Variants in AKAP6 observed in about 807,000 individuals in gnomAD.
AKAP6 encodes the protein A-kinase anchor protein 6.
Under a neutral mutation model 188.5 loss-of-function variants are expected in AKAP6, and 58 were observed. The observed-to-expected ratio is 0.31, with a 90% CI of 0.25 to 0.38. The LOEUF (loss-of-function observed/expected upper bound fraction) is 0.38, where lower values mean the gene tolerates loss of function less well. AKAP6 is among the 10% of genes least tolerant of loss of function. The pLI is 1.00. For missense variants in AKAP6, 2,710 were observed against 2,740.0 expected (o/e 0.99, Z 0.24); for synonymous variants, 989 against 998.6 (o/e 0.99, Z 0.18).
In AKAP6 at chr14:32,830,058, G is replaced by A. The variant is rs903496794; in HGVS notation, c.*253G>A. 1 of 678,026 alleles carries A rather than the reference G, an allele frequency of 1.5e-6. No individual in the cohort carries two copies. The highest frequency in any genetic ancestry group is 2.8e-5 in the East Asian group (1 of 35,774). The allele number at this position is 678,026 out of a possible 1,614,324, so 42.0% of individuals were successfully genotyped here. Reference sequence around the variant, plus strand: ...TCTTTGAAGTTCAGCAAAGCTGCTTGTTCTCCCATGGATTCCTGTCCCAAG... The same window carrying A: ...TCTTTGAAGTTCAGCAAAGCTGCTTATTCTCCCATGGATTCCTGTCCCAAG... On this transcript the variant is annotated 3_prime_UTR_variant, in exon 14 of 14. Coordinates refer to ENST00000280979, the MANE Select transcript of AKAP6 (RefSeq NM_004274.5).
chr14:32,671,597 A>G (rs1889198651), intron 7 of AKAP6, among the ~76,000 whole-genome samples: 1 of 151,980 alleles, frequency 6.6e-6, no homozygotes, highest in Non-Finnish European at 1.5e-5. Flanking sequence ...AAGAAAGGCA[A>G]TTTTGGGGGG....
chr14:32,335,845 T>G (rs1803684798), intron 1 of AKAP6, among the ~76,000 whole-genome samples: 1 of 63,100 alleles, frequency 1.6e-5, no homozygotes, highest in Non-Finnish European at 3.0e-5. Flanking sequence ...TTTTCTCCTT[T>G]TTTTTTTTTT....
At chr14:32,601,859 C>T (rs916190409) in intron 7 of AKAP6, among the ~76,000 whole-genome samples, 2 of 152,112 alleles carry the variant, frequency 1.3e-5, no homozygotes, top group Non-Finnish European at 2.9e-5. Flanking sequence ...ATGTTGAGAC[C>T]CATGCAGCCA....
chr14:32,556,822 A>C (rs977334876), intron 4 of AKAP6, among the ~76,000 whole-genome samples: 4 of 152,022 alleles, frequency 2.6e-5, no homozygotes, highest in Admixed American at 2.6e-4. Context: ...CCGAGAATTC[A>C]CTGCCAAGCC....
chr14:32,583,829 A>G (rs1341317943), intron 5 of AKAP6, among the ~76,000 whole-genome samples: 1 of 152,182 alleles, frequency 6.6e-6, no homozygotes, highest in East Asian at 1.9e-4. Context: ...CCCGTCAGAA[A>G]AAGCGCATTA....
At chr14:32,735,959 A>G (rs1444405346) in intron 11 of AKAP6, 77 bp downstream of exon 11, 4 of 1,095,466 alleles carry the variant, frequency 3.7e-6, no homozygotes, top group East Asian at 2.4e-5. Flanking sequence ...TACATGAAGT[A>G]TTATACCCAT....
intron 5 of AKAP6, among the ~76,000 whole-genome samples, chr14:32,582,656 A>G (rs1471958499): frequency 4.6e-5 from 7 of 152,046 alleles, no homozygotes; most frequent in Non-Finnish European, 1.0e-4. Flanking sequence ...CTTTTCACAT[A>G]GTCCCATATT....
At position 32,819,091 on chromosome 14, in the gene AKAP6, C is replaced by A. The variant is rs185110860; in HGVS notation, c.3589-2311C>A. Among the ~76,000 whole-genome samples, 223 of 152,204 alleles carry A rather than the reference C, an allele frequency of 1.5e-3. 1 individual carries two copies. The highest frequency in any genetic ancestry group is 2.6e-3 in the Non-Finnish European group (179 of 68,018). ...ATAAACAGAAATTCTAATAAAAATT[C>A]ATCACAGTGAATGTACTCCGTACCT... On this transcript the variant is annotated intron_variant, in intron 12 of 13. Transcript: ENST00000280979.
intron 7 of AKAP6, among the ~76,000 whole-genome samples, chr14:32,619,249 T>C (rs1886714890): frequency 1.3e-5 from 2 of 152,138 alleles, no homozygotes; most frequent in South Asian, 4.1e-4. Flanking sequence ...TCATACATTC[T>C]TTGCCTAAGC....
chr14:32,669,849 C>A (rs527692435), intron 7 of AKAP6, among the ~76,000 whole-genome samples: 1 of 152,070 alleles, frequency 6.6e-6, no homozygotes. Flanking sequence ...GTAATCCCAG[C>A]GGTTTGGGAG....
chr14:32,709,914 A>AGTTTT lies in AKAP6; in HGVS notation c.3000+13807_3000+13811dup, dbSNP rs552209661. On this transcript the variant is annotated intron_variant, in intron 9 of 13. Coordinates refer to ENST00000280979, the MANE Select transcript of AKAP6 (RefSeq NM_004274.5). ...AAAATTTTTTTAAGTCATTTATTTC[A>AGTTTT]GTTTTGTCTACACTCCATCTAACTG... Among the ~76,000 whole-genome samples, 35 of 152,136 alleles carry AGTTTT rather than the reference A, an allele frequency of 2.3e-4. 2 individuals are homozygous for AGTTTT. In the South Asian group the frequency reaches 7.0e-3, roughly 31 times the overall value.
intron 2 of AKAP6, among the ~76,000 whole-genome samples, chr14:32,521,942 T>G (rs1188576481): frequency 6.6e-6 from 1 of 152,192 alleles, no homozygotes; most frequent in Non-Finnish European, 1.5e-5. Flanking sequence ...CAAACTATAC[T>G]ACAAGGCTAC....
chr14:32,517,963 C>A (rs1000813285), intron 2 of AKAP6, among the ~76,000 whole-genome samples: 1 of 152,200 alleles, frequency 6.6e-6, no homozygotes, highest in South Asian at 2.1e-4. Flanking sequence ...CCGACTGACA[C>A]CTCATACAGC....
chr14:32,441,029 G>C (rs1890557372), intron 2 of AKAP6, among the ~76,000 whole-genome samples: 1 of 152,188 alleles, frequency 6.6e-6, no homozygotes, highest in African/African-American at 2.4e-5. Context: ...GCAGCAACAA[G>C]GTGCCATATT....
intron 1 of AKAP6, among the ~76,000 whole-genome samples, chr14:32,408,922 G>A (rs1212210166): frequency 3.3e-5 from 5 of 152,216 alleles, no homozygotes; most frequent in African/African-American, 1.2e-4. Flanking sequence ...AGGGTGTGGT[G>A]GCTCACCCCT....
chr14:32,824,276 T>C lies in AKAP6; in HGVS notation c.6463T>C (p.Phe2155Leu). 6.2e-7 allele frequency: 1 copy of C among 1,613,938 alleles called. No homozygotes were observed. The highest frequency in any genetic ancestry group is 8.5e-7 in the Non-Finnish European group (1 of 1,179,942). Residue 2155 changes from phenylalanine to leucine, a missense_variant, in exon 13 of 14, where the codon TTT becomes CTT. Physicochemically the swap from Phe to Leu is conservative, Grantham distance 22 (BLOSUM62 0). Coordinates refer to ENST00000280979, the MANE Select transcript of AKAP6 (RefSeq NM_004274.5). ...GLDDKEDIEC[F>L]FEACVEGDSD... ...AGATGACAAGGAAGATATTGAATGC[T>C]TTTTTGAGGCCTGTGTTGAGGGTGA... is the stretch of plus-strand genomic sequence containing the variant.
At chr14:32,458,578 T>C (rs1292425337) in intron 2 of AKAP6, among the ~76,000 whole-genome samples, 1 of 152,140 alleles carries the variant, frequency 6.6e-6, no homozygotes. Context: ...TTGATTACCA[T>C]ACAAAGTTAT....
At chr14:32,470,472 T>C (rs1002252023) in intron 2 of AKAP6, among the ~76,000 whole-genome samples, 1 of 152,328 alleles carries the variant, frequency 6.6e-6, no homozygotes, top group Admixed American at 6.5e-5. Flanking sequence ...TGAATGTAAA[T>C]TGTATCACTG....
chr14:32,474,138 T>G (rs893129094), intron 2 of AKAP6: 5 of 152,218 alleles, frequency 3.3e-5, no homozygotes, highest in African/African-American at 1.2e-4. Flanking sequence ...TCTCAGGTGA[T>G]CCACCCGCCT....
Sources: allele counts gnomAD v4.1 joint callset (sites outside exome capture counted in the v4.1 genomes callset), GRCh38; gene constraint gnomAD v4.1.1; transcripts MANE v1.5; gene names NCBI Gene and HGNC (gene_info 2026-07-23, HGNC 2026-07-21).